The following MYO1H variants were observed in gnomAD, a reference collection of about 807,000 sequenced individuals.
The protein encoded by MYO1H is myosin IH.
Under a neutral mutation model 149.3 loss-of-function variants are expected in MYO1H, and 118 were observed. The observed-to-expected ratio is 0.79, with a 90% CI of 0.68 to 0.92. The LOEUF (loss-of-function observed/expected upper bound fraction) is 0.92, where lower values mean the gene tolerates loss of function less well. Among genes scored for constraint, MYO1H ranks in the 40% least tolerant of loss-of-function variants. MYO1H has a pLI of 0.00. For synonymous variants in MYO1H, 447 were observed against 465.2 expected, an observed-to-expected ratio of 0.96 and a Z score of 0.50; for missense variants, 1,212 against 1,280.7, an observed-to-expected ratio of 0.95 and a Z score of 0.82.
the MYO1H span, among the ~76,000 whole-genome samples, chr12:109,331,597 C>A: frequency 6.6e-6 from 1 of 152,170 alleles, no homozygotes; most frequent in Non-Finnish European, 1.5e-5. Context: ...GGAAGGAGGA[C>A]TTCGGGAGCG....
Position 109,427,639 on chromosome 12 carries a change from G to C in MYO1H, c.1949+53G>C, listed in dbSNP as rs555604765. On this transcript the variant is annotated intron_variant, in intron 19 of 31. Coordinates refer to ENST00000310903, the Ensembl canonical transcript of MYO1H. ...CAATAGTCATGTGCCTACTACATGAGAATCTCTGGGGTTTAGTGGTAAATA... is the reference window on the plus strand; with the variant it reads ...CAATAGTCATGTGCCTACTACATGACAATCTCTGGGGTTTAGTGGTAAATA... The C allele has an allele frequency of 2.2e-5, 27 of 1,245,092 alleles. 2 individuals are homozygous for C. In the African/African-American group the frequency reaches 3.4e-4, roughly 16 times the overall value. The allele number at this position is 1,245,092 out of a possible 1,614,324, so 77.1% of individuals were successfully genotyped here.
intron 27 of MYO1H, among the ~76,000 whole-genome samples, chr12:109,443,154 G>GTGTGTGTATATGTGTACGTA (rs1566045047): frequency 3.8e-5 from 2 of 52,302 alleles, no homozygotes; most frequent in African/African-American, 8.9e-5. Flanking sequence ...GTGTACGTAT[G>GTGTGTGTATATGTGTACGTA]TGTGTGTATA....
chr12:109,348,789 G>T (rs1409633333), intron 1 of MYO1H, among the ~76,000 whole-genome samples: 1 of 152,176 alleles, frequency 6.6e-6, no homozygotes, highest in Admixed American at 6.5e-5. Context: ...TCTGCTGAAG[G>T]ATTGTTTCTT....
intron 22 of MYO1H, among the ~76,000 whole-genome samples, 200 bp from the exon 23 acceptor site, chr12:109,438,336 G>A (rs1389538937): frequency 6.6e-6 from 1 of 152,188 alleles, no homozygotes; most frequent in African/African-American, 2.4e-5. Context: ...CCTCTGTTCT[G>A]TCTCCCCCTG....
At chr12:109,443,373 C>T in intron 27 of MYO1H, 141 bp from the exon 28 acceptor site, 2 of 761,334 alleles carry the variant, frequency 2.6e-6, no homozygotes, top group South Asian at 3.6e-5. Context: ...CACACACACA[C>T]ACACACACAC....
chr12:109,433,151 G>T (rs562880645), intron 20 of MYO1H, 141 bp downstream of exon 20: 13 of 691,778 alleles, frequency 1.9e-5, no homozygotes, highest in African/African-American at 1.2e-4. Flanking sequence ...TCATCTACTC[G>T]ATGTAAATGC....
chr12:109,343,945 A>C (rs2048094536), upstream of MYO1H, among the ~76,000 whole-genome samples: 1 of 152,136 alleles, frequency 6.6e-6, no homozygotes, highest in African/African-American at 2.4e-5. Flanking sequence ...CTATTCCATG[A>C]TCCCATACAA....
chr12:109,395,028 G>A (rs1869830317), intron 3 of MYO1H, among the ~76,000 whole-genome samples: 1 of 152,154 alleles, frequency 6.6e-6, no homozygotes, highest in Non-Finnish European at 1.5e-5. Context: ...CTCCGAAAGT[G>A]CTGGGATTAC....
the MYO1H span, among the ~76,000 whole-genome samples, chr12:109,324,897 G>C: frequency 7.9e-5 from 12 of 152,020 alleles, no homozygotes; most frequent in African/African-American, 2.9e-4. Flanking sequence ...ACAGGCCCTG[G>C]TGTATGATGT....
chr12:109,331,847 A>G, the MYO1H span, among the ~76,000 whole-genome samples: 479 of 152,292 alleles, frequency 3.1e-3, 12 homozygotes, highest in South Asian at 0.046. Context: ...ATTTAGTGCA[A>G]TTCTGCTGTG....
intron 4 of MYO1H, 33 bp downstream of exon 4, chr12:109,396,615 T>C (rs1367412062): frequency 6.4e-7 from 1 of 1,568,438 alleles, no homozygotes; most frequent in Non-Finnish European, 8.6e-7. Flanking sequence ...TCGAAGGGAG[T>C]TCCAGGGAGG....
chr12:109,447,564 A>G (rs1156710049), exon 32 of MYO1H: 3 of 264,166 alleles, frequency 1.1e-5, no homozygotes, highest in East Asian at 1.4e-4. Context: ...CTCAAATAAC[A>G]TTTCGTTATA....
At chr12:109,350,728 C>A (rs1243922538) in intron 1 of MYO1H, among the ~76,000 whole-genome samples, 1 of 152,108 alleles carries the variant, frequency 6.6e-6, no homozygotes, top group Non-Finnish European at 1.5e-5. Context: ...AGCACTTTTC[C>A]ATGGTTCAAA....
intron 1 of MYO1H, among the ~76,000 whole-genome samples, chr12:109,350,891 A>G (rs144031923): frequency 6.6e-6 from 1 of 152,346 alleles, no homozygotes; most frequent in African/African-American, 2.4e-5. Flanking sequence ...CATCTTACAT[A>G]ATTAGAGCAC....
intron 1 of MYO1H, among the ~76,000 whole-genome samples, chr12:109,378,223 T>G (rs1869125423): frequency 6.6e-6 from 1 of 152,214 alleles, no homozygotes; most frequent in African/African-American, 2.4e-5. Flanking sequence ...GTGGAACTGC[T>G]GGGTCATATG....
intron 16 of MYO1H, among the ~76,000 whole-genome samples, chr12:109,421,910 C>T (rs1871191543): frequency 6.6e-6 from 1 of 152,186 alleles, no homozygotes; most frequent in South Asian, 2.1e-4. Flanking sequence ...ACTGCAGCCT[C>T]AGCCTCCTGG....
chr12:109,435,023 C>A lies in MYO1H; in HGVS notation c.2064-14C>A, dbSNP rs767003548. ...TGACCAATTAATAACAAAAACATTT[C>A]TTTTCACTTCTAGAACCAAAATATT... is the stretch of plus-strand genomic sequence containing the variant. On this transcript the variant is annotated splice_polypyrimidine_tract_variant and intron_variant, in intron 20 of 31. Coordinates refer to ENST00000310903, the Ensembl canonical transcript of MYO1H. 2.7e-5 allele frequency: 42 copies of A among 1,583,880 alleles called. No individual in the cohort carries two copies. The highest frequency in any genetic ancestry group is 3.1e-5 in the Non-Finnish European group (36 of 1,161,812).
chr12:109,341,366 C>T, the MYO1H span, among the ~76,000 whole-genome samples: 2 of 152,132 alleles, frequency 1.3e-5, no homozygotes, highest in Non-Finnish European at 2.9e-5. Flanking sequence ...CAGAATTCAT[C>T]ATACATTTCT....
In MYO1H at chr12:109,445,584, A is replaced by C. The variant is rs1240223216; in HGVS notation, c.3065A>C (p.Tyr1022Ser). ...GACACTGGACTGGAAGAACAAGTCT[A>C]TAAAAATAAAAATGGACAATTAACA... The change falls in exon 31 of 32, where the codon TAT becomes TCT. Residue 1022 changes from tyrosine (Y) to serine (S), a missense_variant. Transcript: ENST00000310903. The C allele has an allele frequency of 1.9e-6, 3 of 1,610,022 alleles. No individual in the cohort carries two copies. The African/African-American group carries it at 4.0e-5, about 22-fold the overall frequency.
Sources: gnomAD v4.1 joint callset for allele counts (sites outside exome capture counted in the v4.1 genomes callset) on GRCh38, gnomAD v4.1.1 for gene constraint, MANE v1.5 for transcripts, NCBI Gene and HGNC (gene_info 2026-07-23, HGNC 2026-07-21) for gene names.